The following CDH12 variants were observed in gnomAD, a reference collection of about 807,000 sequenced individuals.
CDH12 encodes the protein cadherin 12.
A neutral mutation model predicts 74.1 loss-of-function variants in CDH12; 41 were observed. The observed-to-expected ratio is 0.55, with a 90% CI of 0.43 to 0.72. The LOEUF is 0.72. Ranked by LOEUF, CDH12 falls within the 30% of genes least tolerant of loss-of-function variation. The pLI, the probability that CDH12 is intolerant of heterozygous loss-of-function variation, is 0.00. For synonymous variants in CDH12, 399 were observed against 355.0 expected, an observed-to-expected ratio of 1.12 and a Z score of -1.39; for missense variants, 945 against 977.2, an observed-to-expected ratio of 0.97 and a Z score of 0.44.
At chr5:22,084,792 A>G (rs979726944) in intron 4 of CDH12, among the ~76,000 whole-genome samples, 3 of 152,184 alleles carry the variant, frequency 2.0e-5, no homozygotes, top group African/African-American at 7.2e-5. Flanking sequence ...AGGAGATTGA[A>G]GGACTCCAGT....
At chr5:21,829,931 G>T (rs1561220937) in intron 8 of CDH12, among the ~76,000 whole-genome samples, 1 of 151,970 alleles carries the variant, frequency 6.6e-6, no homozygotes, top group South Asian at 2.1e-4. Context: ...TGGTGTGGTG[G>T]CTCACACGTG....
chr5:21,770,096 A>G (rs1279536599), intron 11 of CDH12, among the ~76,000 whole-genome samples: 3 of 152,118 alleles, frequency 2.0e-5, no homozygotes, highest in Non-Finnish European at 4.4e-5. Flanking sequence ...TCACATTCAG[A>G]ACTCATCTAG....
chr5:22,037,349 T>C (rs116702919), intron 5 of CDH12, among the ~76,000 whole-genome samples: 2 of 152,280 alleles, frequency 1.3e-5, no homozygotes, highest in Admixed American at 6.5e-5. Flanking sequence ...AATTTGACTA[T>C]GAAAACAAAG....
At chr5:22,348,497 A>T (rs1246846239) in intron 3 of CDH12, among the ~76,000 whole-genome samples, 1 of 152,226 alleles carries the variant, frequency 6.6e-6, no homozygotes. Context: ...ATTTTTAAAG[A>T]AAACTAGATA....
intron 3 of CDH12, among the ~76,000 whole-genome samples, chr5:22,228,867 T>C (rs1752285663): frequency 6.6e-6 from 1 of 152,086 alleles, no homozygotes; most frequent in South Asian, 2.1e-4. Context: ...TAATTAAAGA[T>C]AAAATAAATT....
chr5:21,796,482 T>C (rs1746788617), intron 10 of CDH12, among the ~76,000 whole-genome samples: 1 of 150,404 alleles, frequency 6.6e-6, no homozygotes, highest in African/African-American at 2.5e-5. Context: ...AAGATGAATC[T>C]TTATGAGTCG....
In CDH12 at chr5:22,361,373, G is replaced by A. The variant is rs1474481388; in HGVS notation, c.-333+43884C>T. On this transcript the variant is annotated intron_variant, in intron 3 of 14. Transcript: ENST00000382254. ...AAAACCTAGGAATCCCACTTACAAG[G>A]GATGTGAAGGACCTCTTCAAGGAGA... is the stretch of plus-strand genomic sequence containing the variant. Among the ~76,000 whole-genome samples the A allele has an allele frequency of 2.0e-5, 3 of 152,076 alleles. No homozygotes were observed. In the East Asian group the frequency reaches 5.8e-4, roughly 29 times the overall value.
At chr5:22,213,581 T>C (rs962043969) in intron 3 of CDH12, 2 of 152,190 alleles carry the variant, frequency 1.3e-5, no homozygotes, top group African/African-American at 4.8e-5. Flanking sequence ...CGTCATCCGC[T>C]CTTTCTGCCA....
At chr5:22,207,091 C>T (rs1461076353) in intron 4 of CDH12, among the ~76,000 whole-genome samples, 5 of 151,124 alleles carry the variant, frequency 3.3e-5, no homozygotes, top group Non-Finnish European at 5.9e-5. Flanking sequence ...TGGTGGCAGG[C>T]GCCTGTAGTC....
intron 4 of CDH12, among the ~76,000 whole-genome samples, chr5:22,200,528 A>C (rs996196787): frequency 1.3e-5 from 2 of 152,188 alleles, no homozygotes; most frequent in African/African-American, 4.8e-5. Context: ...TCCACTGTTC[A>C]TTAAAGTACA....
In CDH12 at chr5:22,213,069, A is replaced by T. The variant is rs564243774; in HGVS notation, c.-332-426T>A. ...ACAGTGAAGCAATTAATAGACTGAT[A>T]GAGCTGATTTGTAAGACAAGCTTAA... On this transcript the variant is annotated intron_variant, in intron 3 of 14. Transcript: ENST00000382254. Among the ~76,000 whole-genome samples, 31 of 152,314 alleles carry T rather than the reference A, an allele frequency of 2.0e-4. No homozygotes were observed. In the East Asian group the frequency reaches 2.5e-3, roughly 12 times the overall value.
At chr5:22,190,374 A>G (rs1580379026) in intron 4 of CDH12, among the ~76,000 whole-genome samples, 1 of 150,868 alleles carries the variant, frequency 6.6e-6, no homozygotes, top group South Asian at 2.1e-4. Flanking sequence ...CTATCTATCT[A>G]TCTATCTATC....
intron 5 of CDH12, among the ~76,000 whole-genome samples, chr5:22,055,508 T>C (rs142790859): frequency 1.3e-5 from 2 of 152,180 alleles, no homozygotes; most frequent in African/African-American, 4.8e-5. Context: ...CTCTAAATCT[T>C]ATTTGTTCTT....
rs796770777 is a variant in CDH12, at chr5:21,751,173, A to C, written c.*564T>G. 6 of 152,844 alleles carry C rather than the reference A, an allele frequency of 3.9e-5. No individual in the cohort carries two copies. The highest frequency in any genetic ancestry group is 1.4e-4 in the African/African-American group (6 of 41,578). 9.5% of individuals were successfully genotyped at this position (152,844 alleles called of 1,614,324 possible). ...AACCTTTTGAATTAGAAGAAGGTGG[A>C]GATCAGAAAGTGTTCTTCTTTTGTT... On this transcript the variant is annotated 3_prime_UTR_variant, in exon 15 of 15. Transcript: ENST00000382254.
intron 1 of CDH12, among the ~76,000 whole-genome samples, chr5:22,710,338 C>G (rs1405662239): frequency 2.6e-5 from 4 of 152,086 alleles, no homozygotes; most frequent in African/African-American, 9.7e-5. Context: ...TTGGCTAAAA[C>G]AAAATTTCAT....
At chr5:22,533,961 T>A (rs956317886) in intron 1 of CDH12, among the ~76,000 whole-genome samples, 1 of 152,176 alleles carries the variant, frequency 6.6e-6, no homozygotes, top group Non-Finnish European at 1.5e-5. Context: ...CTAAGTAGTA[T>A]CTTATAAAAT....
At chr5:22,191,217 C>T (rs1457231799) in intron 4 of CDH12, among the ~76,000 whole-genome samples, 1 of 152,054 alleles carries the variant, frequency 6.6e-6, no homozygotes, top group Non-Finnish European at 1.5e-5. Context: ...ATCCTCAGAT[C>T]TCTGGCCATC....
intron 3 of CDH12, among the ~76,000 whole-genome samples, chr5:22,261,582 T>G (rs576010801): frequency 6.6e-6 from 1 of 152,188 alleles, no homozygotes; most frequent in South Asian, 2.1e-4. Context: ...CAGTCTGAAG[T>G]AAATTTGTTT....
At chr5:22,179,212 G>A (rs1466300101) in intron 4 of CDH12, among the ~76,000 whole-genome samples, 1 of 152,112 alleles carries the variant, frequency 6.6e-6, no homozygotes, top group African/African-American at 2.4e-5. Context: ...TATGTACATG[G>A]ACATGTATTT....
Sources: gnomAD v4.1 joint callset for allele counts (sites outside exome capture counted in the v4.1 genomes callset) on GRCh38, gnomAD v4.1.1 for gene constraint, MANE v1.5 for transcripts, NCBI Gene and HGNC (gene_info 2026-07-23, HGNC 2026-07-21) for gene names.